Variants in SLC5A11 observed in about 807,000 individuals in gnomAD.
The protein encoded by SLC5A11 is sodium/myo-inositol cotransporter 2.
Under a neutral mutation model 69.8 loss-of-function variants are expected in SLC5A11, and 48 were observed. The observed-to-expected ratio is 0.69, with a 90% CI of 0.55 to 0.87. SLC5A11 has a LOEUF of 0.87. Ranked by LOEUF, SLC5A11 falls within the 40% of genes least tolerant of loss-of-function variation. The pLI, the probability that SLC5A11 is intolerant of heterozygous loss-of-function variation, is 0.00. For missense variants in SLC5A11, 784 were observed against 866.1 expected (o/e 0.91, Z 1.19); for synonymous variants, 319 against 342.4 (o/e 0.93, Z 0.75).
chr16:24,905,175 G>C (rs1247047521), intron 10 of SLC5A11, among the ~76,000 whole-genome samples: 1 of 149,740 alleles, frequency 6.7e-6, no homozygotes, highest in African/African-American at 2.5e-5. Context: ...CACAATCCCA[G>C]CACTTTGGGA....
chr16:24,849,593 A>AAAAAAAAAAAATATATAT, intron 1 of SLC5A11, among the ~76,000 whole-genome samples: 3 of 35,912 alleles, frequency 8.4e-5, no homozygotes, highest in African/African-American at 2.8e-4. Context: ...AAAAAAAAAA[A>AAAAAAAAAAAATATATAT]ATATATATAT....
intron 1 of SLC5A11, among the ~76,000 whole-genome samples, chr16:24,851,877 G>T (rs768388940): frequency 2.6e-5 from 4 of 152,002 alleles, no homozygotes; most frequent in Non-Finnish European, 4.4e-5. Context: ...GCTTTATCAC[G>T]ACATATCTAT....
At chr16:24,849,593 A>AAAAAAAAAAC in intron 1 of SLC5A11, among the ~76,000 whole-genome samples, 1 of 35,922 alleles carries the variant, frequency 2.8e-5, no homozygotes, top group Non-Finnish European at 5.6e-5. Context: ...AAAAAAAAAA[A>AAAAAAAAAAC]ATATATATAT....
intron 3 of SLC5A11, among the ~76,000 whole-genome samples, chr16:24,862,971 A>T (rs1409986916): frequency 7.4e-6 from 1 of 135,526 alleles, no homozygotes; most frequent in Non-Finnish European, 1.5e-5. Context: ...ATATTATATA[A>T]TATATAATTA....
At chr16:24,889,565 T>G (rs1252750388) in intron 8 of SLC5A11, among the ~76,000 whole-genome samples, 2 of 143,270 alleles carry the variant, frequency 1.4e-5, no homozygotes, top group Non-Finnish European at 1.5e-5. Flanking sequence ...TTTTTTTTTT[T>G]TTTTTGAGAT....
At position 24,853,690 on chromosome 16, in the gene SLC5A11, C is replaced by A. The variant is rs1358351983; in HGVS notation, c.-24-4930C>A. Among the ~76,000 whole-genome samples, 4 of 152,368 alleles carry A rather than the reference C, an allele frequency of 2.6e-5. No individual in the cohort carries two copies. In the South Asian group the frequency reaches 8.3e-4, roughly 32 times the overall value. On this transcript the variant is annotated intron_variant, in intron 1 of 15. Coordinates refer to ENST00000347898, the Ensembl canonical transcript of SLC5A11. ...GCACTGACTGCGGCCTAGAAGCAAG[C>A]AGCACAGCTATGCCTGAGTTAGGCT...
intron 10 of SLC5A11, among the ~76,000 whole-genome samples, chr16:24,904,115 A>G (rs770972740): frequency 2.6e-4 from 40 of 152,196 alleles, no homozygotes; most frequent in Non-Finnish European, 5.1e-4. Flanking sequence ...ACTCACTATC[A>G]TGAGTACACA....
intron 12 of SLC5A11, 118 bp downstream of exon 13, chr16:24,907,293 G>A (rs2050143312): frequency 9.0e-7 from 1 of 1,108,920 alleles, no homozygotes; most frequent in Admixed American, 2.2e-5. Context: ...GACTCCATGT[G>A]CAAGACATTC....
chr16:24,850,482 G>A (rs2059252767), intron 1 of SLC5A11, among the ~76,000 whole-genome samples: 1 of 152,240 alleles, frequency 6.6e-6, no homozygotes, highest in African/African-American at 2.4e-5. Flanking sequence ...AGTGCAGCAG[G>A]CAGTCAGCGC....
In SLC5A11 at chr16:24,890,956, GGCTGCCC is replaced by G; in HGVS notation, c.753_759del (p.Leu252GlyfsTer12). 1 of 1,614,154 alleles carries G rather than the reference GGCTGCCC, an allele frequency of 6.2e-7. No homozygotes were observed. The highest frequency in any genetic ancestry group is 1.1e-5 in the South Asian group (1 of 91,074). ...AACCGGAGTGAGAACAGCAGCTGCG[GGCTGCCC>G]CGGGAAGATGCCTTCCATATTTTCC... On this transcript the variant is annotated frameshift_variant, in exon 9 of 16. Coordinates refer to ENST00000347898, the Ensembl canonical transcript of SLC5A11. LOFTEE classifies it high-confidence loss of function.
chr16:24,905,290 A>AT (rs1415299632), intron 10 of SLC5A11, among the ~76,000 whole-genome samples: 1 of 148,576 alleles, frequency 6.7e-6, no homozygotes, highest in Non-Finnish European at 1.5e-5. Flanking sequence ...AAAAAAAAAA[A>AT]AAAAAACCTG....
At chr16:24,848,485 A>C (rs34307429) in intron 1 of SLC5A11, among the ~76,000 whole-genome samples, 10,859 of 152,242 alleles carry the variant, frequency 0.071, 567 homozygotes, top group South Asian at 0.12. Context: ...GAGGCCAGGC[A>C]TGGTGGCTCA....
At chr16:24,869,204 C>A (rs2047118969) in intron 3 of SLC5A11, among the ~76,000 whole-genome samples, 1 of 152,056 alleles carries the variant, frequency 6.6e-6, no homozygotes, top group African/African-American at 2.4e-5. Flanking sequence ...TCTCCCCTGT[C>A]TCTGAACTGG....
intron 1 of SLC5A11, among the ~76,000 whole-genome samples, chr16:24,853,059 T>C (rs28641826): frequency 1.4e-5 from 2 of 144,546 alleles, no homozygotes; most frequent in Non-Finnish European, 3.0e-5. Flanking sequence ...TTGTTGTACT[T>C]AGTCCCCAGG....
chr16:24,891,121 T>C, intron 9 of SLC5A11, 47 bp downstream of exon 10: 1 of 1,580,060 alleles, frequency 6.3e-7, no homozygotes, highest in Non-Finnish European at 8.7e-7. Flanking sequence ...TTTGCTTCTT[T>C]CCTTAGGGTG....
chr16:24,878,470 G>A (rs1043532000), intron 7 of SLC5A11, among the ~76,000 whole-genome samples: 3 of 152,116 alleles, frequency 2.0e-5, no homozygotes, highest in African/African-American at 7.2e-5. Flanking sequence ...CTCTTGGCTT[G>A]ATATAACTCA....
At chr16:24,903,175 T>C (rs2049771400) in intron 10 of SLC5A11, among the ~76,000 whole-genome samples, 1 of 150,692 alleles carries the variant, frequency 6.6e-6, no homozygotes, top group Non-Finnish European at 1.5e-5. Flanking sequence ...TCAGAATCCC[T>C]GGAGGGACAT....
chr16:24,873,342 C>A (rs946447525), intron 5 of SLC5A11, among the ~76,000 whole-genome samples: 1 of 151,690 alleles, frequency 6.6e-6, no homozygotes, highest in Admixed American at 6.6e-5. Flanking sequence ...TAGAAAATCA[C>A]AATGCTGGCT....
rs760947579 is a variant in SLC5A11 at position 24,907,959 on chromosome 16, C to A, written c.1266-4C>A. 4 of 1,614,014 alleles carry A rather than the reference C, an allele frequency of 2.5e-6. No homozygotes were observed. In the East Asian group the frequency reaches 6.7e-5, roughly 27 times the overall value. ...TAATTTGTGCCTCTCGCCGCCGGCA[C>A]CAGGGTGTTTGTGCTGCTGCTGGTC... is the stretch of plus-strand genomic sequence containing the variant. On this transcript the variant is annotated splice_region_variant and splice_polypyrimidine_tract_variant and intron_variant, in intron 12 of 15. Coordinates refer to ENST00000347898, the Ensembl canonical transcript of SLC5A11.
Sources: allele counts gnomAD v4.1 joint callset (sites outside exome capture counted in the v4.1 genomes callset), GRCh38; gene constraint gnomAD v4.1.1; transcripts MANE v1.5; gene names NCBI Gene and HGNC (gene_info 2026-07-23, HGNC 2026-07-21).